The following NT5C2 variants were observed in gnomAD, a reference collection of about 807,000 sequenced individuals.
NT5C2 encodes cytosolic purine 5'-nucleotidase.
A neutral mutation model predicts 76.1 loss-of-function variants in NT5C2; 58 were observed. The ratio of observed to expected loss-of-function variants is 0.76; its 90% CI spans 0.62 to 0.95. NT5C2 has a LOEUF of 0.95. NT5C2 is among the 40% of genes least tolerant of loss of function. The pLI is 0.00. For synonymous variants in NT5C2, 229 were observed against 237.4 expected (o/e 0.96, Z 0.32); for missense variants, 478 against 690.3 (o/e 0.69, Z 3.45).
chr10:103,149,179 C>T (rs1330793155), intron 3 of NT5C2, among the ~76,000 whole-genome samples: 1 of 152,092 alleles, frequency 6.6e-6, no homozygotes, highest in Non-Finnish European at 1.5e-5. Context: ...AGCAAATCCT[C>T]TCTGGAAGAA....
intron 3 of NT5C2, among the ~76,000 whole-genome samples, chr10:103,147,722 A>T (rs1555006543): frequency 6.6e-6 from 1 of 152,194 alleles, no homozygotes; most frequent in Non-Finnish European, 1.5e-5. Flanking sequence ...CACCTAACAT[A>T]GGGCCTTGTA....
At chr10:103,179,681 G>A (rs921163007) in intron 2 of NT5C2, among the ~76,000 whole-genome samples, 3 of 152,134 alleles carry the variant, frequency 2.0e-5, no homozygotes, top group Middle Eastern at 3.2e-3. Context: ...CAGCCTGGGT[G>A]ACAGAGTGAG....
chr10:103,110,300 A>T (rs2072634516), intron 4 of NT5C2, among the ~76,000 whole-genome samples: 2 of 152,142 alleles, frequency 1.3e-5, no homozygotes, highest in African/African-American at 4.8e-5. Flanking sequence ...TACTAAAAAC[A>T]CAAAAATTAG....
Position 103,089,904 on chromosome 10 carries a change from G to C in NT5C2, c.1454C>G (p.Pro485Arg). ...TGTGTGCTCCACCGTTGATTCATGA[G>C]GCATCTAGACAGAAAAAAGCTAGAG... ...YLFRAAHVLM[P>R]HESTVEHTHV... The change falls in exon 19 of 19, where the codon CCT (proline) becomes CGT (arginine). Residue 485 changes from proline (P) to arginine (R), a missense_variant. Physicochemically the swap from Pro to Arg is moderately radical, Grantham distance 103 (BLOSUM62 -2). Transcript: ENST00000404739. 2 of 1,597,786 alleles carry C rather than the reference G, an allele frequency of 1.3e-6. No individual in the cohort carries two copies. Among genetic ancestry groups the C allele is most frequent in the Non-Finnish European group, 1.7e-6 (2 of 1,171,074 alleles).
chr10:103,159,405 A>T (rs1191912348), intron 3 of NT5C2, among the ~76,000 whole-genome samples: 1 of 152,176 alleles, frequency 6.6e-6, no homozygotes, highest in Non-Finnish European at 1.5e-5. Context: ...AAAATTAAGA[A>T]AACAATTATA....
At chr10:103,191,183 G>C (rs2092609154) in intron 1 of NT5C2, among the ~76,000 whole-genome samples, 1 of 152,184 alleles carries the variant, frequency 6.6e-6, no homozygotes, top group African/African-American at 2.4e-5. Flanking sequence ...CCTGAGGTCA[G>C]GAGTTCGAGA....
At chr10:103,174,376 G>A (rs1389496575) in intron 3 of NT5C2, among the ~76,000 whole-genome samples, 1 of 152,216 alleles carries the variant, frequency 6.6e-6, no homozygotes, top group Non-Finnish European at 1.5e-5. Context: ...CTGCACTCCA[G>A]CCTAGGCAAC....
At chr10:103,093,872 A>T (rs1042745522) in intron 14 of NT5C2, 100 bp downstream of exon 14, 1 of 848,442 alleles carries the variant, frequency 1.2e-6, no homozygotes, top group Non-Finnish European at 2.0e-6. Context: ...GACATCTTAG[A>T]CTACTAAACA....
At chr10:103,157,893 G>A (rs908981478) in intron 3 of NT5C2, among the ~76,000 whole-genome samples, 1 of 151,774 alleles carries the variant, frequency 6.6e-6, no homozygotes, top group African/African-American at 2.4e-5. Context: ...GCCAACACTG[G>A]GAAACCCCGT....
intron 3 of NT5C2, among the ~76,000 whole-genome samples, chr10:103,159,395 A>G (rs1327428288): frequency 6.6e-6 from 1 of 152,180 alleles, no homozygotes; most frequent in Non-Finnish European, 1.5e-5. Context: ...ATCCAGAAAT[A>G]AAATTAAGAA....
intron 15 of NT5C2, among the ~76,000 whole-genome samples, chr10:103,091,882 G>A (rs961621537): frequency 3.9e-5 from 6 of 152,134 alleles, no homozygotes; most frequent in East Asian, 1.9e-4. Context: ...CCTTCCAGCT[G>A]CACGCTCATT....
intron 3 of NT5C2, among the ~76,000 whole-genome samples, chr10:103,158,187 A>G (rs1232008644): frequency 1.3e-5 from 2 of 152,134 alleles, no homozygotes; most frequent in East Asian, 3.8e-4. Context: ...CAATTTAACG[A>G]AAAAAAGGAC....
chr10:103,123,005 T>C (rs1309056490), intron 4 of NT5C2, among the ~76,000 whole-genome samples: 1 of 152,204 alleles, frequency 6.6e-6, no homozygotes, highest in Non-Finnish European at 1.5e-5. Flanking sequence ...TGTATGCTTT[T>C]CTCTCACTAA....
intron 3 of NT5C2, among the ~76,000 whole-genome samples, chr10:103,141,928 T>C (rs1008505231): frequency 2.0e-5 from 3 of 152,086 alleles, no homozygotes; most frequent in East Asian, 1.9e-4. Flanking sequence ...GAGGAGAGAG[T>C]ACCAGTTGTT....
chr10:103,125,317 T>G, intron 4 of NT5C2: 1 of 515,576 alleles, frequency 1.9e-6, no homozygotes, highest in Non-Finnish European at 3.6e-6. Flanking sequence ...AAAAAGACAA[T>G]GACTTTGGAG....
At chr10:103,094,181 G>A (rs1393521293) in intron 13 of NT5C2, 143 bp from the exon 14 acceptor site, 1 of 586,970 alleles carries the variant, frequency 1.7e-6, no homozygotes. Flanking sequence ...TTTTCAATTA[G>A]TGGGTTTGTT....
intron 4 of NT5C2, among the ~76,000 whole-genome samples, chr10:103,134,310 G>A (rs185247093): frequency 6.6e-6 from 1 of 152,302 alleles, no homozygotes; most frequent in Admixed American, 6.5e-5. Flanking sequence ...GCCAGGCCCA[G>A]GCTCCCCATG....
At position 103,172,410 on chromosome 10, in the gene NT5C2, G is replaced by A. The variant is rs183015811; in HGVS notation, c.101+2448C>T. Among the ~76,000 whole-genome samples the A allele has an allele frequency of 3.9e-3, 586 of 150,584 alleles. 17 individuals are homozygous for A. The East Asian group carries it at 0.073, about 19-fold the overall frequency. On this transcript the variant is annotated intron_variant, in intron 3 of 18. Transcript: ENST00000404739. ...ACTACAGGCACCTGCCACCACACCC[G>A]GCTAATTTTTGTATTTTTAGTAGAG...
chr10:103,095,601 A>G (rs939427709), intron 12 of NT5C2, among the ~76,000 whole-genome samples: 5 of 152,224 alleles, frequency 3.3e-5, no homozygotes, highest in African/African-American at 9.6e-5. Flanking sequence ...AATATCATCC[A>G]CAACCTGAAA....
Sources: gnomAD v4.1 joint callset for allele counts (sites outside exome capture counted in the v4.1 genomes callset) on GRCh38, gnomAD v4.1.1 for gene constraint, MANE v1.5 for transcripts, NCBI Gene and HGNC (gene_info 2026-07-23, HGNC 2026-07-21) for gene names.